The following PTPRT variants were observed in gnomAD, a reference collection of about 807,000 sequenced individuals.
The protein encoded by PTPRT is receptor-type tyrosine-protein phosphatase T.
Under a neutral mutation model 176.8 loss-of-function variants are expected in PTPRT, and 56 were observed. That is an observed-to-expected ratio of 0.32 (90% CI 0.26 to 0.40). The LOEUF is 0.40. Ranked by LOEUF, PTPRT falls within the 10% of genes least tolerant of loss-of-function variation. PTPRT has a pLI of 1.00. For missense variants in PTPRT, 1,540 were observed against 1,908.2 expected, an observed-to-expected ratio of 0.81 and a Z score of 3.60; for synonymous variants, 783 against 739.0, an observed-to-expected ratio of 1.06 and a Z score of -0.96.
intron 2 of PTPRT, among the ~76,000 whole-genome samples, chr20:42,874,910 T>A (rs1428721266): frequency 1.3e-5 from 2 of 152,208 alleles, no homozygotes; most frequent in Non-Finnish European, 2.9e-5. Context: ...TTTTTTGAGA[T>A]GAAGTTTTGC....
chr20:42,570,974 T>G (rs1434383959), intron 7 of PTPRT, among the ~76,000 whole-genome samples: 1 of 152,136 alleles, frequency 6.6e-6, no homozygotes, highest in Non-Finnish European at 1.5e-5. Context: ...TGGGTTATTC[T>G]GCCCACCCTA....
intron 7 of PTPRT, among the ~76,000 whole-genome samples, chr20:42,560,208 A>C (rs1280061749): frequency 6.6e-6 from 1 of 152,140 alleles, no homozygotes; most frequent in South Asian, 2.1e-4. Flanking sequence ...AGGTTGCCTC[A>C]ATGGGCTCTT....
At chr20:42,072,071 G>C (rs1188598092), downstream of PTPRT, among the ~76,000 whole-genome samples, 1 of 152,176 alleles carries the variant, frequency 6.6e-6, no homozygotes, top group African/African-American at 2.4e-5. Flanking sequence ...GGATGTTGCA[G>C]ATATGATTCA....
intron 1 of PTPRT, among the ~76,000 whole-genome samples, chr20:42,952,721 A>C (rs532423841): frequency 6.6e-6 from 1 of 152,354 alleles, no homozygotes; most frequent in South Asian, 2.1e-4. Flanking sequence ...CACTGAGTAC[A>C]TAAATGCACT....
chr20:42,345,524 C>CAT (rs1341070994), intron 11 of PTPRT, among the ~76,000 whole-genome samples: 1 of 146,270 alleles, frequency 6.8e-6, no homozygotes, highest in African/African-American at 2.5e-5. Context: ...TATAGATATA[C>CAT]ATATATATAT....
chr20:42,916,809 G>T (rs1978792452), intron 1 of PTPRT, among the ~76,000 whole-genome samples: 1 of 151,864 alleles, frequency 6.6e-6, no homozygotes, highest in Admixed American at 6.6e-5. Flanking sequence ...TCTTGATGGG[G>T]TTGTTTTTTT....
At chr20:42,148,127 T>G (rs1988954765) in intron 17 of PTPRT, among the ~76,000 whole-genome samples, 1 of 152,168 alleles carries the variant, frequency 6.6e-6, no homozygotes, top group African/African-American at 2.4e-5. Context: ...TCTCATTATA[T>G]TCATCCATTA....
intron 7 of PTPRT, among the ~76,000 whole-genome samples, chr20:42,477,751 A>G (rs1485302057): frequency 2.0e-5 from 3 of 152,176 alleles, no homozygotes; most frequent in Admixed American, 6.5e-5. Context: ...AAGATGACAA[A>G]CAGTGGGAAG....
intron 2 of PTPRT, among the ~76,000 whole-genome samples, chr20:42,843,715 G>C (rs2078319690): frequency 6.6e-6 from 1 of 152,238 alleles, no homozygotes; most frequent in Admixed American, 6.5e-5. Context: ...CTCCAAGGAG[G>C]AAAGTAAGCA....
chr20:42,080,826 GGGGCTTGGTCACA>G lies in PTPRT; in HGVS notation c.*40_*52del. On this transcript the variant is annotated 3_prime_UTR_variant, in exon 31 of 31. Transcript: ENST00000373187. ...CCAGTTACTGCCATTCACACAAAAG[GGGGCTTGGTCACA>G]GCAGCCTCTGGACTCCGGCAGGTTC... The G allele has an allele frequency of 6.5e-7, 1 of 1,542,182 alleles. No homozygotes were observed. Among genetic ancestry groups the G allele is most frequent in the Non-Finnish European group, 9.0e-7 (1 of 1,117,218 alleles).
intron 1 of PTPRT, among the ~76,000 whole-genome samples, chr20:43,146,194 C>A (rs774473934): frequency 3.9e-5 from 6 of 152,178 alleles, no homozygotes; most frequent in Non-Finnish European, 7.3e-5. Flanking sequence ...TCCCCACTGA[C>A]ACACTAAATA....
At chr20:42,924,256 T>C (rs1197443008) in intron 1 of PTPRT, among the ~76,000 whole-genome samples, 4 of 152,200 alleles carry the variant, frequency 2.6e-5, no homozygotes, top group Admixed American at 1.3e-4. Flanking sequence ...AAAAAAATTA[T>C]AGCATGTGCT....
At chr20:42,109,692 C>CTTGAG (rs1600530039) in intron 23 of PTPRT, among the ~76,000 whole-genome samples, 2 of 152,160 alleles carry the variant, frequency 1.3e-5, no homozygotes, top group African/African-American at 4.8e-5. Context: ...CTCCTCAGCA[C>CTTGAG]TTGAGTTTTT....
At chr20:43,012,315 A>C (rs1985169946) in intron 1 of PTPRT, among the ~76,000 whole-genome samples, 1 of 152,214 alleles carries the variant, frequency 6.6e-6, no homozygotes, top group Non-Finnish European at 1.5e-5. Flanking sequence ...TAAGTGAAAT[A>C]AGCCAGACAG....
chr20:42,462,444 G>A (rs1486040601), intron 8 of PTPRT, among the ~76,000 whole-genome samples: 1 of 152,164 alleles, frequency 6.6e-6, no homozygotes, highest in Non-Finnish European at 1.5e-5. Context: ...AGCTGGAAAT[G>A]AGAATGAGGC....
At chr20:42,798,642 CA>C (rs199727863) in intron 2 of PTPRT, among the ~76,000 whole-genome samples, 12,276 of 151,390 alleles carry the variant, frequency 0.081, 510 homozygotes, top group South Asian at 0.19. Context: ...CTATTTAAAA[CA>C]AAAAAAAGAT....
intron 1 of PTPRT, among the ~76,000 whole-genome samples, chr20:42,980,638 G>A (rs1983222031): frequency 6.6e-6 from 1 of 152,216 alleles, no homozygotes; most frequent in African/African-American, 2.4e-5. Flanking sequence ...GAGCACGTGA[G>A]TGTTGAAATC....
chr20:42,953,625 C>T (rs1226138627), intron 1 of PTPRT, among the ~76,000 whole-genome samples: 3 of 152,104 alleles, frequency 2.0e-5, no homozygotes, highest in Admixed American at 6.5e-5. Flanking sequence ...AGCCTCTGGC[C>T]CCAGCACTCA....
the PTPRT span, among the ~76,000 whole-genome samples, chr20:42,033,875 C>A: frequency 3.3e-5 from 5 of 152,206 alleles, no homozygotes; most frequent in Admixed American, 2.0e-4. Context: ...TTTTTTCTTA[C>A]CTTTCTCTGT....
Sources: allele counts gnomAD v4.1 joint callset (sites outside exome capture counted in the v4.1 genomes callset), GRCh38; gene constraint gnomAD v4.1.1; transcripts MANE v1.5; gene names NCBI Gene and HGNC (gene_info 2026-07-23, HGNC 2026-07-21).